Variants in CDK7 observed in about 807,000 individuals in gnomAD.
CDK7 encodes cyclin dependent kinase 7.
Under a neutral mutation model 49.1 loss-of-function variants are expected in CDK7, and 25 were observed. That is an observed-to-expected ratio of 0.51 (90% CI 0.37 to 0.71). The LOEUF (loss-of-function observed/expected upper bound fraction) is 0.71. Among genes scored for constraint, CDK7 ranks in the 30% least tolerant of loss-of-function variants. CDK7 has a pLI of 0.00. For missense variants in CDK7, 316 were observed against 411.7 expected, an observed-to-expected ratio of 0.77 and a Z score of 2.01; for synonymous variants, 107 against 140.0, an observed-to-expected ratio of 0.76 and a Z score of 1.67.
chr5:69,253,434 T>G (rs906435187), intron 3 of CDK7, among the ~76,000 whole-genome samples: 1 of 152,022 alleles, frequency 6.6e-6, no homozygotes, highest in Non-Finnish European at 1.5e-5. Context: ...CCAGCCAATT[T>G]TTTGTATTTT....
rs1173204732 is a variant in CDK7, at chr5:69,277,360, T to G, written c.*225T>G. ...AAAAGTGAGAAAAGTTCAATACTCT[T>G]GAAATGTAGAATTGAAAATGCATTA... On this transcript the variant is annotated 3_prime_UTR_variant, in exon 12 of 12. Coordinates refer to ENST00000256443, the MANE Select transcript of CDK7 (RefSeq NM_001799.4). The G allele has an allele frequency of 5.0e-6, 2 of 398,440 alleles. No homozygotes were observed. The highest frequency in any genetic ancestry group is 4.1e-5 in the African/African-American group (2 of 48,348). 24.7% of individuals were successfully genotyped at this position (398,440 alleles called of 1,614,324 possible). A position where few individuals can be genotyped will look rare whatever the true frequency, so the allele number is the denominator to read the frequency against.
chr5:69,271,455 G>C (rs1388787385), intron 9 of CDK7, among the ~76,000 whole-genome samples: 1 of 150,476 alleles, frequency 6.6e-6, no homozygotes, highest in Non-Finnish European at 1.5e-5. Flanking sequence ...TCATCCTTTT[G>C]GTGTCAAGTC....
At position 69,234,943 on chromosome 5, in the gene CDK7, C is replaced by T. The variant is rs752565112; in HGVS notation, c.-33C>T. On this transcript the variant is annotated 5_prime_UTR_variant, in exon 1 of 12. Coordinates refer to ENST00000256443, the MANE Select transcript of CDK7 (RefSeq NM_001799.4). ...ATTCGTGTTGTCCTGGGAGCTCGCC[C>T]TTTTCGGCTGGAGTCGGGCTTTACG... 9 of 1,573,418 alleles carry T rather than the reference C, an allele frequency of 5.7e-6. No homozygotes were observed. Among genetic ancestry groups the T allele is most frequent in the Non-Finnish European group, 7.8e-6 (9 of 1,158,708 alleles).
intron 10 of CDK7, among the ~76,000 whole-genome samples, chr5:69,275,166 C>G (rs771742020): frequency 1.3e-5 from 2 of 151,498 alleles, no homozygotes; most frequent in African/African-American, 2.4e-5. Context: ...TGTATTGTAT[C>G]TACAGCACTA....
chr5:69,244,636 CAAAAA>C (rs35194899), intron 2 of CDK7, among the ~76,000 whole-genome samples: 3 of 94,858 alleles, frequency 3.2e-5, no homozygotes, highest in African/African-American at 7.3e-5. Context: ...AACTCCGTCT[CAAAAA>C]AAAAAAAAAA....
rs1749355577 is a variant in CDK7, at chr5:69,241,307, G to GTTTTTTTT, written c.126+5860_126+5861insTTTTTTTT. Among the ~76,000 whole-genome samples, 4 of 112,942 alleles carry GTTTTTTTT rather than the reference G, an allele frequency of 3.5e-5. 1 individual carries two copies. The highest frequency in any genetic ancestry group is 5.2e-5 in the Non-Finnish European group (3 of 57,170). 74.1% of individuals were successfully genotyped at this position (112,942 alleles called of 152,430 possible). A position where few individuals can be genotyped will look rare whatever the true frequency, so the allele number is the denominator to read the frequency against. Reference sequence around the variant, plus strand: ...TAGGTGAGATGCTCTCTCATTGTAGGTTTTTTCTTTTTTTTTTTTTTTTTT... The same window carrying GTTTTTTTT: ...TAGGTGAGATGCTCTCTCATTGTAGGTTTTTTTTTTTTTTCTTTTTTTTTTTTTTTTTT... On this transcript the variant is annotated intron_variant, in intron 2 of 11. Coordinates refer to ENST00000256443, the MANE Select transcript of CDK7 (RefSeq NM_001799.4).
rs1219644441 is a variant in CDK7, at chr5:69,276,573, C to G, written c.895C>G (p.Pro299Ala). ...ALKMKYFSNRPGPTPGCQLPR... is the reference protein window; with the variant it reads ...ALKMKYFSNRAGPTPGCQLPR... ...GAAAATGAAGTATTTCAGTAATCGG[C>G]CAGGGCCAACACCTGGATGTCAGCT... Residue 299 changes from proline to alanine, a missense_variant, in exon 11 of 12, where the codon CCA becomes GCA. Transcript: ENST00000256443. The G allele has an allele frequency of 1.9e-6, 3 of 1,613,382 alleles. No homozygotes were observed. In the East Asian group the frequency reaches 6.7e-5, roughly 36 times the overall value.
rs200122008 is a variant in CDK7 at position 69,243,836 on chromosome 5, T to G, written c.126+8383T>G. ...TCACCAATGATAGTTGTTTTTTTTT[T>G]TTTTTTTTTTTTTTGAGATGGAGTC... On this transcript the variant is annotated intron_variant, in intron 2 of 11. Coordinates refer to ENST00000256443, the MANE Select transcript of CDK7 (RefSeq NM_001799.4). Among the ~76,000 whole-genome samples the G allele has an allele frequency of 1.5e-4, 20 of 136,672 alleles. No individual in the cohort carries two copies. The East Asian group carries it at 3.5e-3, about 24-fold the overall frequency. 89.7% of individuals were successfully genotyped at this position (136,672 alleles called of 152,430 possible).
rs150633444 is a variant in CDK7, at chr5:69,236,574, G to C, written c.126+1121G>C. 4.2e-3 allele frequency among the ~76,000 whole-genome samples: 644 copies of C among 152,052 alleles called. 6 individuals carry two copies. The highest frequency in any genetic ancestry group is 0.015 in the African/African-American group (607 of 41,464). On this transcript the variant is annotated intron_variant, in intron 2 of 11. Coordinates refer to ENST00000256443, the MANE Select transcript of CDK7 (RefSeq NM_001799.4). Reference sequence around the variant, plus strand: ...GGTCATCTTCCAGCCTCCAAGTACTGTCTTGCATTCATTTAAAACCTGACT... The same window carrying C: ...GGTCATCTTCCAGCCTCCAAGTACTCTCTTGCATTCATTTAAAACCTGACT...
intron 9 of CDK7, among the ~76,000 whole-genome samples, chr5:69,271,385 G>C (rs779117016): frequency 6.6e-6 from 1 of 151,834 alleles, no homozygotes; most frequent in South Asian, 2.1e-4. Context: ...GTTTTCCCTC[G>C]TGCTGCCTTT....
At position 69,254,640 on chromosome 5, in the gene CDK7, C is replaced by T. The variant is rs769891407; in HGVS notation, c.199C>T (p.Gln67Ter). The change falls in exon 4 of 12, where the codon CAG becomes TAG. Residue 67 changes from glutamine (Q) to a stop codon, truncating the protein, a stop_gained. Transcript: ENST00000256443. LOFTEE classifies it high-confidence loss of function. ...RTALREIKLL[Q>*]ELSHPNIIGL... ...CGCCTTAAGAGAGATAAAATTATTACAGGAGCTAAGTCATCCAAATATAAT... is the reference window on the plus strand; with the variant it reads ...CGCCTTAAGAGAGATAAAATTATTATAGGAGCTAAGTCATCCAAATATAAT... 3 of 1,538,996 alleles carry T rather than the reference C, an allele frequency of 1.9e-6. No individual in the cohort carries two copies. Among genetic ancestry groups the T allele is most frequent in the Admixed American group, 1.7e-5 (1 of 59,648 alleles).
At chr5:69,267,079 T>TAAA (rs1751205636) in intron 8 of CDK7, among the ~76,000 whole-genome samples, 1 of 152,122 alleles carries the variant, frequency 6.6e-6, no homozygotes, top group Non-Finnish European at 1.5e-5. Flanking sequence ...GCTCTTTCTT[T>TAAA]AGGGAAAAAT....
rs540193194 is a variant in CDK7, at chr5:69,248,196, T to G, written c.127-4222T>G. On this transcript the variant is annotated intron_variant, in intron 2 of 11. Transcript: ENST00000256443. The stretch of plus-strand genomic sequence containing the variant: ...TTATTTCTCCTTCCTGTTTGAAGGA[T>G]AATTTTGCTGAATATACTATTCTAG... Among the ~76,000 whole-genome samples the G allele has an allele frequency of 3.9e-4, 59 of 152,322 alleles. 2 individuals are homozygous for G. The South Asian group carries it at 0.012, about 31-fold the overall frequency.
chr5:69,262,668 C>CAAAA (rs35645434), intron 8 of CDK7, among the ~76,000 whole-genome samples: 1 of 113,588 alleles, frequency 8.8e-6, no homozygotes. Context: ...GGCTCCATCT[C>CAAAA]AAAAAAAAAA....
At chr5:69,276,099 G>A (rs558415854) in intron 10 of CDK7, among the ~76,000 whole-genome samples, 7 of 152,068 alleles carry the variant, frequency 4.6e-5, no homozygotes, top group South Asian at 2.1e-4. Context: ...GTGCGATCTC[G>A]GCTCACTGCA....
At chr5:69,268,393 A>G (rs1331652750) in intron 8 of CDK7, among the ~76,000 whole-genome samples, 4 of 152,192 alleles carry the variant, frequency 2.6e-5, no homozygotes. Context: ...GTGTTTATTA[A>G]AATTTGGAGT....
Position 69,269,309 on chromosome 5 carries a change from T to C in CDK7, c.714+16T>C. On this transcript the variant is annotated intron_variant, in intron 9 of 11. Coordinates refer to ENST00000256443, the MANE Select transcript of CDK7 (RefSeq NM_001799.4). The stretch of plus-strand genomic sequence containing the variant: ...ACAGTGGCCGGTAAGCCTTTATGCA[T>C]TTTCTTTGAAATGTAATTAGGACTC... 1.3e-6 allele frequency: 2 copies of C among 1,573,174 alleles called. No homozygotes were observed. Among genetic ancestry groups the C allele is most frequent in the Non-Finnish European group, 1.7e-6 (2 of 1,152,686 alleles).
In CDK7 at chr5:69,252,278, T is replaced by C. The variant is rs1750191953; in HGVS notation, c.127-140T>C. 1.4e-5 allele frequency: 9 copies of C among 622,636 alleles called. No individual in the cohort carries two copies. The Admixed American group carries it at 2.3e-4, about 16-fold the overall frequency. The allele number at this position is 622,636 out of a possible 1,614,324, so 38.6% of individuals were successfully genotyped here. ...TTTCTGATCATGATTCCTACTCTCT[T>C]TTTGCCTAGTAGGTACATATTGGTT... On this transcript the variant is annotated intron_variant, in intron 2 of 11. Coordinates refer to ENST00000256443, the MANE Select transcript of CDK7 (RefSeq NM_001799.4).
chr5:69,270,083 AATTAAAC>A (rs1379907464), intron 9 of CDK7, among the ~76,000 whole-genome samples: 1 of 79,658 alleles, frequency 1.3e-5, no homozygotes, highest in Admixed American at 1.3e-4. Context: ...AAAAAAAAAA[AATTAAAC>A]TTCTTATTTT....
Sources: gnomAD v4.1 joint callset for allele counts (sites outside exome capture counted in the v4.1 genomes callset) on GRCh38, gnomAD v4.1.1 for gene constraint, MANE v1.5 for transcripts, NCBI Gene and HGNC (gene_info 2026-07-23, HGNC 2026-07-21) for gene names.